The following EFEMP1 variants were observed in gnomAD, a reference collection of about 807,000 sequenced individuals.
EFEMP1 encodes EGF-like fibulin extracellular matrix protein 1.
A neutral mutation model predicts 65.7 loss-of-function variants in EFEMP1; 18 were observed. That is an observed-to-expected ratio of 0.27 (90% CI 0.19 to 0.41). EFEMP1 has a LOEUF of 0.41. Among genes scored for constraint, EFEMP1 ranks in the 10% least tolerant of loss-of-function variants. The probability of loss-of-function intolerance (pLI) is 1.00; values close to 1 mark genes in which losing one functional copy is unlikely to be tolerated. For missense variants in EFEMP1, 469 were observed against 624.8 expected (o/e 0.75, Z 2.66); for synonymous variants, 237 against 219.7 (o/e 1.08, Z -0.70).
intron 5 of EFEMP1, among the ~76,000 whole-genome samples, chr2:55,906,265 C>G (rs1271213882): frequency 6.6e-6 from 1 of 150,908 alleles, no homozygotes; most frequent in Non-Finnish European, 1.5e-5. Context: ...CGTTCTGTCA[C>G]CCAGACTAGA....
chr2:55,884,016 T>C (rs560258200), intron 5 of EFEMP1, among the ~76,000 whole-genome samples: 6 of 152,202 alleles, frequency 3.9e-5, no homozygotes, highest in Non-Finnish European at 8.8e-5. Flanking sequence ...GACTGGTGAT[T>C]ACACATTTTA....
chr2:55,868,467 G>C (rs1347578950), intron 11 of EFEMP1, among the ~76,000 whole-genome samples: 1 of 152,152 alleles, frequency 6.6e-6, no homozygotes, highest in Non-Finnish European at 1.5e-5. Flanking sequence ...CAGTGTGGGG[G>C]ATGTTGGATA....
In EFEMP1 at chr2:55,910,615, C is replaced by T. The variant is rs549382048; in HGVS notation, c.517+7050G>A. Among the ~76,000 whole-genome samples, 124 of 152,240 alleles carry T rather than the reference C, an allele frequency of 8.1e-4. 1 individual carries two copies. Among genetic ancestry groups the T allele is most frequent in the African/African-American group, 2.8e-3 (116 of 41,548 alleles). ...ACCAGTGCACTTTCCTGAAGTTACC[C>T]GGGCTTGCAATTCTACTCTAATCTC... is the stretch of plus-strand genomic sequence containing the variant. On this transcript the variant is annotated intron_variant, in intron 5 of 11. Coordinates refer to ENST00000355426, the MANE Select transcript of EFEMP1 (RefSeq NM_001039348.3).
At chr2:55,902,639 T>C (rs1670083746) in intron 5 of EFEMP1, among the ~76,000 whole-genome samples, 1 of 152,208 alleles carries the variant, frequency 6.6e-6, no homozygotes, top group African/African-American at 2.4e-5. Context: ...GCTTCAGTGA[T>C]TTGGTGCAGA....
intron 5 of EFEMP1, among the ~76,000 whole-genome samples, chr2:55,900,343 C>G (rs1010377225): frequency 2.0e-5 from 3 of 149,652 alleles, no homozygotes; most frequent in African/African-American, 7.3e-5. Flanking sequence ...CTGCCTTCTT[C>G]GTGGACTAGA....
At position 55,866,960 on chromosome 2, in the gene EFEMP1, G is replaced by C; in HGVS notation, c.*113C>G. On this transcript the variant is annotated 3_prime_UTR_variant, in exon 12 of 12. Coordinates refer to ENST00000355426, the MANE Select transcript of EFEMP1 (RefSeq NM_001039348.3). The stretch of plus-strand genomic sequence containing the variant: ...GTGTAATTGTTTGAATTATGGGTGA[G>C]TGTACAGTATAGAGATGTAGATGCA... The C allele has an allele frequency of 7.5e-7, 1 of 1,328,536 alleles. No individual in the cohort carries two copies. The highest frequency in any genetic ancestry group is 2.6e-4 in the Middle Eastern group (1 of 3,886). 82.3% of individuals were successfully genotyped at this position (1,328,536 alleles called of 1,614,324 possible). A position where few individuals can be genotyped will look rare whatever the true frequency, so the allele number is the denominator to read the frequency against.
At chr2:55,872,567 AAAAC>A (rs1288799237) in intron 9 of EFEMP1, among the ~76,000 whole-genome samples, 2 of 152,146 alleles carry the variant, frequency 1.3e-5, no homozygotes, top group East Asian at 1.9e-4. Context: ...ATATGGATGA[AAAAC>A]AAATAAGGGT....
At chr2:55,918,931 G>C (rs2104454281) in intron 3 of EFEMP1, among the ~76,000 whole-genome samples, 1 of 152,322 alleles carries the variant, frequency 6.6e-6, no homozygotes, top group South Asian at 2.1e-4. Flanking sequence ...GCAGCTCAAA[G>C]ACCAGAAGAG....
intron 5 of EFEMP1, among the ~76,000 whole-genome samples, chr2:55,891,542 C>A (rs1669627113): frequency 6.6e-6 from 1 of 152,062 alleles, no homozygotes. Context: ...TCTCATTTGA[C>A]ACATGGTGCA....
rs56900947 is a variant in EFEMP1 at position 55,878,658 on chromosome 2, T to TAAAACAAAACAAAAC, written c.641-808_641-794dup. On this transcript the variant is annotated intron_variant, in intron 6 of 11. Transcript: ENST00000355426. ...GCTATATAGTGACACTGCCTTGTGG[T>TAAAACAAAACAAAAC]AAAACAAAACAAAACAAAACAAACC... is the stretch of plus-strand genomic sequence containing the variant. Among the ~76,000 whole-genome samples, 256 of 151,896 alleles carry TAAAACAAAACAAAAC rather than the reference T, an allele frequency of 1.7e-3. 3 individuals are homozygous for TAAAACAAAACAAAAC. The highest frequency in any genetic ancestry group is 1.4e-3 in the African/African-American group (56 of 41,322).
At chr2:55,895,748 A>G (rs1238299247) in intron 5 of EFEMP1, among the ~76,000 whole-genome samples, 3 of 151,542 alleles carry the variant, frequency 2.0e-5, no homozygotes, top group South Asian at 2.1e-4. Flanking sequence ...TCACTGTGTT[A>G]GCCAGGATTG....
intron 5 of EFEMP1, among the ~76,000 whole-genome samples, chr2:55,896,613 T>C (rs1203840672): frequency 6.6e-6 from 1 of 152,230 alleles, no homozygotes; most frequent in Non-Finnish European, 1.5e-5. Context: ...AATTTGCCCC[T>C]GTAGAACTAT....
intron 5 of EFEMP1, among the ~76,000 whole-genome samples, chr2:55,910,865 G>A (rs536267420): frequency 2.0e-5 from 3 of 152,106 alleles, no homozygotes; most frequent in Non-Finnish European, 4.4e-5. Context: ...TATCACTTTG[G>A]TGACTGAAGG....
chr2:55,888,334 C>CT (rs71713705), intron 5 of EFEMP1, among the ~76,000 whole-genome samples: 21,880 of 114,094 alleles, frequency 0.19, 3,369 homozygotes, highest in African/African-American at 0.24. Flanking sequence ...CCTTCTTAAA[C>CT]TTTTTTTTTT....
Position 55,867,127 on chromosome 2 carries a change from G to C in EFEMP1, c.1428C>G (p.Phe476Leu). Residue 476 changes from phenylalanine to leucine, a missense_variant, in exon 12 of 12, where the codon TTC becomes TTG. Coordinates refer to ENST00000355426, the MANE Select transcript of EFEMP1 (RefSeq NM_001039348.3). This position sits in a 1 kb window ranked among gnomAD's most constrained non-coding sequence, Gnocchi z 4.3. Reference protein sequence around the residue: ...EMLTVSSIGTFRTSSVLRLTI... With the variant: ...EMLTVSSIGTLRTSSVLRLTI... ...TCAATCTTAACACAGAGCTTGTGCG[G>C]AAGGTCCCTATACTGCTGACTGTCA... The C allele has an allele frequency of 6.2e-7, 1 of 1,613,774 alleles. No individual in the cohort carries two copies. The highest frequency in any genetic ancestry group is 8.5e-7 in the Non-Finnish European group (1 of 1,179,958).
chr2:55,868,170 G>A (rs1165583994), intron 11 of EFEMP1, among the ~76,000 whole-genome samples: 1 of 152,178 alleles, frequency 6.6e-6, no homozygotes, highest in African/African-American at 2.4e-5. Context: ...GTGTCTCCAG[G>A]ATCTTCCACG....
intron 5 of EFEMP1, among the ~76,000 whole-genome samples, chr2:55,905,924 C>A (rs987154543): frequency 1.3e-5 from 2 of 152,142 alleles, no homozygotes; most frequent in African/African-American, 4.8e-5. Flanking sequence ...AATGCTCTGG[C>A]ATGCTTACAC....
chr2:55,901,541 G>C (rs995676382), intron 5 of EFEMP1, among the ~76,000 whole-genome samples: 1 of 152,176 alleles, frequency 6.6e-6, no homozygotes, highest in Admixed American at 6.5e-5. Context: ...CCATTAGGCT[G>C]CCTATCTGCA....
Position 55,870,843 on chromosome 2 carries a change from G to A in EFEMP1, c.1197C>T (p.Ser399=), listed in dbSNP as rs1486789182. 2 of 1,613,704 alleles carry A rather than the reference G, an allele frequency of 1.2e-6. No individual in the cohort carries two copies. The highest frequency in any genetic ancestry group is 1.6e-4 in the Middle Eastern group (1 of 6,084). ...ATGGCACAGACCTATCAGATCGGAT[G>A]CTCATGTATTTGTAGACTATTGACT... is the stretch of plus-strand genomic sequence containing the variant. ...LPQSIVYKYM[S]IRSDRSVPSD... is the part of the protein sequence containing the mutation. The change falls in exon 11 of 12, where the codon AGC becomes AGT. Residue 399 remains serine (S), a synonymous_variant. Coordinates refer to ENST00000355426, the MANE Select transcript of EFEMP1 (RefSeq NM_001039348.3). This position sits in a 1 kb window ranked among gnomAD's most constrained non-coding sequence, Gnocchi z 5.8.
Sources: gnomAD v4.1 joint callset for allele counts (sites outside exome capture counted in the v4.1 genomes callset) on GRCh38, gnomAD v4.1.1 for gene constraint, Gnocchi (gnomAD v3.1) non-coding constraint, MANE v1.5 for transcripts, NCBI Gene and HGNC (gene_info 2026-07-23, HGNC 2026-07-21) for gene names.